The following RIC1 variants were observed in gnomAD, a reference collection of about 807,000 sequenced individuals.
RIC1 encodes guanine nucleotide exchange factor subunit RIC1.
A neutral mutation model predicts 169.0 loss-of-function variants in RIC1; 88 were observed. The ratio of observed to expected loss-of-function variants is 0.52; its 90% CI spans 0.44 to 0.62. RIC1 has a LOEUF of 0.62. Among genes scored for constraint, RIC1 ranks in the 20% least tolerant of loss-of-function variants. The pLI, the probability that RIC1 is intolerant of heterozygous loss-of-function variation, is 0.00. For missense variants in RIC1, 1,877 were observed against 1,725.5 expected (o/e 1.09, Z -1.56); for synonymous variants, 790 against 601.5 (o/e 1.31, Z -4.59).
chr9:5,631,085 A>G (rs1452495305), intron 1 of RIC1, among the ~76,000 whole-genome samples: 1 of 152,200 alleles, frequency 6.6e-6, no homozygotes, highest in Non-Finnish European at 1.5e-5. Flanking sequence ...CCTGTAAACC[A>G]CTTTATTCCC....
intron 21 of RIC1, 102 bp downstream of exon 21, chr9:5,765,900 C>T: frequency 7.2e-7 from 1 of 1,384,856 alleles, no homozygotes; most frequent in Non-Finnish European, 9.9e-7. Flanking sequence ...CTATTTAATC[C>T]AATTGCAGTT....
chr9:5,748,331 G>T (rs773820997), intron 12 of RIC1, among the ~76,000 whole-genome samples: 6 of 152,048 alleles, frequency 3.9e-5, no homozygotes, highest in African/African-American at 1.4e-4. Flanking sequence ...GCCTACTTCA[G>T]CTCCCATGTT....
intron 2 of RIC1, among the ~76,000 whole-genome samples, chr9:5,675,945 A>C (rs576840754): frequency 6.6e-6 from 1 of 152,238 alleles, no homozygotes; most frequent in African/African-American, 2.4e-5. Context: ...AAATTATGAC[A>C]GTAAAAGAAA....
chr9:5,643,794 A>C (rs1050435669), intron 1 of RIC1, among the ~76,000 whole-genome samples: 3 of 152,198 alleles, frequency 2.0e-5, no homozygotes, highest in African/African-American at 7.2e-5. Context: ...TAATCAGAAA[A>C]AATAAAATAA....
chr9:5,774,328 A>C lies in RIC1; in HGVS notation c.*82A>C, dbSNP rs1827457051. ...ACGTTGTAACATAGTTGGATGATTT[A>C]ACAGGAGAACTCAGTTCAGAGACTC... On this transcript the variant is annotated 3_prime_UTR_variant, in exon 26 of 26. Coordinates refer to ENST00000414202, the MANE Select transcript of RIC1 (RefSeq NM_020829.4). The C allele has an allele frequency of 8.2e-7, 1 of 1,213,070 alleles. No homozygotes were observed. Among genetic ancestry groups the C allele is most frequent in the Non-Finnish European group, 1.1e-6 (1 of 875,084 alleles). 75.1% of individuals were successfully genotyped at this position (1,213,070 alleles called of 1,614,324 possible).
At chr9:5,705,335 C>T (rs1185968814) in intron 3 of RIC1, among the ~76,000 whole-genome samples, 3 of 151,676 alleles carry the variant, frequency 2.0e-5, no homozygotes, top group Non-Finnish European at 4.4e-5. Context: ...TCTTAGTTCT[C>T]CCTTAATTTA....
At chr9:5,697,850 T>G (rs889287130) in intron 3 of RIC1, among the ~76,000 whole-genome samples, 3 of 152,200 alleles carry the variant, frequency 2.0e-5, no homozygotes, top group African/African-American at 7.2e-5. Context: ...AAGATGCTAA[T>G]GAATAATTGT....
At chr9:5,768,554 T>C (rs1480014825) in intron 21 of RIC1, among the ~76,000 whole-genome samples, 1 of 152,132 alleles carries the variant, frequency 6.6e-6, no homozygotes, top group Admixed American at 6.6e-5. Flanking sequence ...TGGTATTCTT[T>C]TCATATGTCT....
chr9:5,684,459 TCAG>T, intron 2 of RIC1, among the ~76,000 whole-genome samples: 1 of 152,304 alleles, frequency 6.6e-6, no homozygotes, highest in East Asian at 1.9e-4. Flanking sequence ...TTTCTAGTTA[TCAG>T]TGTACAAGTA....
intron 2 of RIC1, among the ~76,000 whole-genome samples, chr9:5,688,114 T>G (rs1180018712): frequency 6.6e-6 from 1 of 152,254 alleles, no homozygotes; most frequent in Non-Finnish European, 1.5e-5. Context: ...TTTGGAACAT[T>G]ATGAAATATA....
chr9:5,700,502 C>T (rs183155289), intron 3 of RIC1, among the ~76,000 whole-genome samples: 400 of 152,006 alleles, frequency 2.6e-3, no homozygotes, highest in African/African-American at 7.0e-3. Context: ...AAAATCTATT[C>T]GTAAATCTAG....
intron 21 of RIC1, among the ~76,000 whole-genome samples, chr9:5,766,835 T>G (rs1026957829): frequency 6.6e-6 from 1 of 152,236 alleles, no homozygotes; most frequent in Non-Finnish European, 1.5e-5. Flanking sequence ...TTTGAATGAC[T>G]TCTTTTCCTC....
intron 9 of RIC1, among the ~76,000 whole-genome samples, chr9:5,743,443 C>G (rs1283497095): frequency 2.0e-5 from 3 of 152,134 alleles, no homozygotes; most frequent in African/African-American, 4.8e-5. Flanking sequence ...AACCTCAGTT[C>G]TGATGAAATG....
At chr9:5,654,174 T>C (rs1049673371) in intron 1 of RIC1, among the ~76,000 whole-genome samples, 2 of 151,276 alleles carry the variant, frequency 1.3e-5, no homozygotes, top group Admixed American at 6.6e-5. Flanking sequence ...AATTTTTGTA[T>C]TGTTTTGTTT....
At chr9:5,768,864 T>C (rs966940972) in intron 21 of RIC1, 106 bp from the exon 22 acceptor site, 40 of 1,212,304 alleles carry the variant, frequency 3.3e-5, no homozygotes, top group Non-Finnish European at 4.1e-5. Flanking sequence ...AATTAGATCT[T>C]GGATCTCTTA....
chr9:5,772,791 G>C lies in RIC1; in HGVS notation c.3794+50G>C, dbSNP rs1295838165. On this transcript the variant is annotated intron_variant, in intron 24 of 25. Coordinates refer to ENST00000414202, the MANE Select transcript of RIC1 (RefSeq NM_020829.4). ...CACAGAATGCCTACTCAGAGTATTT[G>C]GGCAAATAGGTATGGGGCTACTCTC... 3.8e-6 allele frequency: 6 copies of C among 1,564,348 alleles called. No individual in the cohort carries two copies. The East Asian group carries it at 6.8e-5, about 18-fold the overall frequency.
Position 5,757,453 on chromosome 9 carries a change from T to C in RIC1, c.1992+2T>C, listed in dbSNP as rs778384044. The C allele has an allele frequency of 6.2e-7, 1 of 1,613,826 alleles. No individual in the cohort carries two copies. The highest frequency in any genetic ancestry group is 8.5e-7 in the Non-Finnish European group (1 of 1,179,858). ...ATCACCTTGAAAATGCCACAGCAGG[T>C]ACCACTCCATTATCAAAGGTCTTTG... is the stretch of plus-strand genomic sequence containing the variant. On this transcript the variant is annotated splice_donor_variant, in intron 17 of 25. Transcript: ENST00000414202. LOFTEE classifies it high-confidence loss of function.
intron 4 of RIC1, among the ~76,000 whole-genome samples, chr9:5,718,053 T>C (rs1410414095): frequency 7.2e-6 from 1 of 139,040 alleles, no homozygotes; most frequent in Non-Finnish European, 1.5e-5. Context: ...GGCAGGAGAA[T>C]CACTTGAACC....
intron 8 of RIC1, among the ~76,000 whole-genome samples, chr9:5,742,473 T>C (rs180909079): frequency 1.2e-3 from 179 of 152,336 alleles, no homozygotes; most frequent in Non-Finnish European, 2.0e-3. Context: ...TTTTTAATCA[T>C]TCTTACTGTG....
Sources: allele counts gnomAD v4.1 joint callset (sites outside exome capture counted in the v4.1 genomes callset), GRCh38; gene constraint gnomAD v4.1.1; transcripts MANE v1.5; gene names NCBI Gene and HGNC (gene_info 2026-07-23, HGNC 2026-07-21).